Variants in FRMD6 observed in about 807,000 individuals in gnomAD.
FRMD6 encodes FERM domain-containing protein 6.
In FRMD6, 37 loss-of-function variants were observed where a neutral mutation model predicts 73.2. The ratio of observed to expected loss-of-function variants is 0.51; its 90% CI spans 0.39 to 0.66. The LOEUF (loss-of-function observed/expected upper bound fraction) is 0.66, where lower values mean the gene tolerates loss of function less well. FRMD6 is among the 30% of genes least tolerant of loss of function. The pLI, the probability that FRMD6 is intolerant of heterozygous loss-of-function variation, is 0.00. For missense variants in FRMD6, 714 were observed against 780.5 expected, an observed-to-expected ratio of 0.91 and a Z score of 1.02; for synonymous variants, 273 against 282.2, an observed-to-expected ratio of 0.97 and a Z score of 0.33.
chr14:51,511,437 T>C lies in FRMD6; in HGVS notation c.-210+22017T>C, dbSNP rs143017692. On this transcript the variant is annotated intron_variant, in intron 1 of 14. Transcript: ENST00000356218. ...ATAACCCATTTCAAATTGTGGGGGT[T>C]TGCTGTAGTAACTGGGAAACACAAA... 2.1e-3 allele frequency among the ~76,000 whole-genome samples: 324 copies of C among 152,340 alleles called. 4 individuals carry two copies. The highest frequency in any genetic ancestry group is 0.017 in the South Asian group (82 of 4,834).
chr14:51,672,129 A>C (rs190961319), intron 1 of FRMD6, among the ~76,000 whole-genome samples: 1 of 152,342 alleles, frequency 6.6e-6, no homozygotes, highest in East Asian at 1.9e-4. Context: ...CTTTCAAAGC[A>C]GTGGCTACCA....
At chr14:51,598,367 C>G (rs1889838027) in intron 2 of FRMD6, among the ~76,000 whole-genome samples, 3 of 152,156 alleles carry the variant, frequency 2.0e-5, no homozygotes, top group African/African-American at 7.2e-5. Context: ...ATCAGTCTGA[C>G]TGCTTATTGT....
the FRMD6 span, among the ~76,000 whole-genome samples, chr14:51,440,253 A>G: frequency 2.0e-5 from 3 of 152,198 alleles, no homozygotes; most frequent in South Asian, 2.1e-4. Context: ...TGTTGAATAT[A>G]CTCGTTAAAA....
chr14:51,534,854 C>T (rs981221848), intron 1 of FRMD6, among the ~76,000 whole-genome samples: 3 of 152,192 alleles, frequency 2.0e-5, no homozygotes, highest in Admixed American at 1.3e-4. Flanking sequence ...GGCAGAGGAA[C>T]CAGAGTCCAG....
chr14:51,502,014 G>A (rs1480374684), intron 1 of FRMD6, among the ~76,000 whole-genome samples: 12 of 152,170 alleles, frequency 7.9e-5, no homozygotes, highest in Admixed American at 7.9e-4. Context: ...TTGGCCACAT[G>A]TATGTCTTCT....
At chr14:51,479,603 A>G in the FRMD6 span, among the ~76,000 whole-genome samples, 1 of 152,262 alleles carries the variant, frequency 6.6e-6, no homozygotes, top group Admixed American at 6.5e-5. Context: ...TATTTATCCC[A>G]ACAGGATATG....
the FRMD6 span, among the ~76,000 whole-genome samples, chr14:51,429,923 G>A: frequency 0.18 from 27,498 of 152,110 alleles, 2,693 homozygotes; most frequent in Middle Eastern, 0.31. Flanking sequence ...ACTCAGTCTA[G>A]ATTTATACCC....
At chr14:51,676,246 A>G (rs936010978) in intron 1 of FRMD6, among the ~76,000 whole-genome samples, 2 of 152,182 alleles carry the variant, frequency 1.3e-5, no homozygotes, top group Non-Finnish European at 2.9e-5. Flanking sequence ...AGTCATCTCT[A>G]AAATCTGATA....
chr14:51,496,973 A>C (rs11157827), intron 1 of FRMD6, among the ~76,000 whole-genome samples: 6 of 151,516 alleles, frequency 4.0e-5, no homozygotes, highest in Admixed American at 1.3e-4. Flanking sequence ...CCCCCTGTTC[A>C]TTTCCTCTAA....
chr14:51,635,919 G>A (rs1307010329), intron 2 of FRMD6, among the ~76,000 whole-genome samples: 1 of 152,144 alleles, frequency 6.6e-6, no homozygotes, highest in Non-Finnish European at 1.5e-5. Flanking sequence ...AAACAATCCC[G>A]TAGTGTACAC....
At chr14:51,640,667 A>G (rs1891769697) in intron 2 of FRMD6, among the ~76,000 whole-genome samples, 1 of 152,224 alleles carries the variant, frequency 6.6e-6, no homozygotes, top group South Asian at 2.1e-4. Flanking sequence ...AATGCTAGTG[A>G]TATGATGAAC....
chr14:51,561,038 CTA>C (rs2139509027), intron 1 of FRMD6, among the ~76,000 whole-genome samples: 1 of 152,320 alleles, frequency 6.6e-6, no homozygotes, highest in Admixed American at 6.5e-5. Context: ...TGTCAGAAGA[CTA>C]TGAGTTAGTA....
intron 1 of FRMD6, among the ~76,000 whole-genome samples, chr14:51,532,680 T>C (rs998478271): frequency 6.6e-6 from 1 of 152,206 alleles, no homozygotes; most frequent in African/African-American, 2.4e-5. Flanking sequence ...TCTGAAGACG[T>C]CCTTCCTATA....
chr14:51,408,440 T>A, the FRMD6 span, among the ~76,000 whole-genome samples: 7 of 152,210 alleles, frequency 4.6e-5, no homozygotes, highest in Non-Finnish European at 8.8e-5. Flanking sequence ...ATTACATAAC[T>A]CTTAACTTCT....
intron 2 of FRMD6, among the ~76,000 whole-genome samples, chr14:51,581,334 A>G (rs1334819701): frequency 2.6e-5 from 4 of 152,174 alleles, no homozygotes; most frequent in Admixed American, 6.5e-5. Context: ...ACATTTCTGG[A>G]GCGCTTGAGG....
At chr14:51,715,198 A>G (rs1394720299) in intron 9 of FRMD6, 127 bp from the exon 10 acceptor site, 1 of 702,692 alleles carries the variant, frequency 1.4e-6, no homozygotes, top group Non-Finnish European at 2.1e-6. Context: ...TTATCCCACA[A>G]GGAATTTTAA....
At chr14:51,555,783 C>A (rs1354698137) in intron 1 of FRMD6, among the ~76,000 whole-genome samples, 12 of 111,058 alleles carry the variant, frequency 1.1e-4, no homozygotes, top group South Asian at 2.8e-4. Context: ...GCCTGGGCAA[C>A]AAGAGCAAAA....
At chr14:51,557,263 TATATAC>T (rs1200575115) in intron 1 of FRMD6, among the ~76,000 whole-genome samples, 1 of 143,422 alleles carries the variant, frequency 7.0e-6, no homozygotes, top group African/African-American at 2.6e-5. Flanking sequence ...TATATATATA[TATATAC>T]ACACATACAT....
intron 12 of FRMD6, among the ~76,000 whole-genome samples, chr14:51,724,734 T>G (rs1897851033): frequency 6.6e-6 from 1 of 151,906 alleles, no homozygotes; most frequent in African/African-American, 2.4e-5. Context: ...GTTTTTTGTT[T>G]TTTTTTTTTA....
Sources: allele counts gnomAD v4.1 joint callset (sites outside exome capture counted in the v4.1 genomes callset), GRCh38; gene constraint gnomAD v4.1.1; transcripts MANE v1.5; gene names NCBI Gene and HGNC (gene_info 2026-07-23, HGNC 2026-07-21).